The following DST variants were observed in gnomAD, a reference collection of about 807,000 sequenced individuals.
The protein encoded by DST is bullous pemphigoid antigen.
DST carries 253 observed loss-of-function variants against 875.2 expected under a neutral mutation model. The ratio of observed to expected loss-of-function variants is 0.29; its 90% CI spans 0.26 to 0.32. The LOEUF (loss-of-function observed/expected upper bound fraction) is 0.32. Among genes scored for constraint, DST ranks in the 10% least tolerant of loss-of-function variants. DST has a pLI of 1.00. For synonymous variants in DST, 3,124 were observed against 3,197.1 expected (o/e 0.98, Z 0.77); for missense variants, 8,287 against 9,111.6 (o/e 0.91, Z 3.68).
At chr6:56,631,720 T>G (rs1371149457) in intron 29 of DST, among the ~76,000 whole-genome samples, 163 bp downstream of exon 29, 1 of 152,206 alleles carries the variant, frequency 6.6e-6, no homozygotes, top group East Asian at 1.9e-4. Flanking sequence ...AGAGGTAGAC[T>G]GAATCCTAGT....
chr6:56,670,598 G>A (rs770402360), intron 10 of DST, 43 bp downstream of exon 10: 22 of 1,219,532 alleles, frequency 1.8e-5, no homozygotes, highest in Middle Eastern at 2.0e-4. Context: ...TGAAAGAAAT[G>A]TGTCTTACAG....
chr6:56,693,244 G>C, intron 9 of DST: 1 of 1,202,250 alleles, frequency 8.3e-7, no homozygotes, highest in African/African-American at 1.6e-5. Context: ...ATTCCACTCT[G>C]ACATCTGTTC....
rs138548125 is a variant in DST at position 56,635,678 on chromosome 6, T to G, written c.3097A>C (p.Arg1033=). 83 of 1,613,868 alleles carry G rather than the reference T, an allele frequency of 5.1e-5. No individual in the cohort carries two copies. The South Asian group carries it at 7.1e-4, about 14-fold the overall frequency. ...NDAKEATDYL[R]NLKDAIQRKY... ...CGCTGAATGGCATCTTTTAGATTCC[T>G]TAAGTAATCAGTAGCTTCTTTGGCA... The change falls in exon 24 of 104, where the codon AGG becomes CGG. Residue 1033 remains arginine, a synonymous_variant. Transcript: ENST00000680361.
At chr6:56,555,905 G>A in intron 59 of DST, 65 bp from the exon 60 acceptor site, 1 of 1,371,850 alleles carries the variant, frequency 7.3e-7, no homozygotes, top group South Asian at 2.0e-5. Flanking sequence ...CACAGATTTG[G>A]TGTCCAAACA....
chr6:56,548,922 G>C (rs2097273676), intron 61 of DST, among the ~76,000 whole-genome samples: 1 of 152,184 alleles, frequency 6.6e-6, no homozygotes, highest in South Asian at 2.1e-4. Context: ...TCTCAGGATA[G>C]TTTTCACTGA....
At chr6:56,692,876 C>G (rs755289889) in intron 9 of DST, 8 of 1,289,664 alleles carry the variant, frequency 6.2e-6, no homozygotes, top group Non-Finnish European at 1.0e-6. Flanking sequence ...ATACCATCTC[C>G]CAGTGCAGAG....
chr6:56,792,180 T>C (rs940026353), intron 4 of DST, among the ~76,000 whole-genome samples: 4 of 151,916 alleles, frequency 2.6e-5, no homozygotes, highest in Non-Finnish European at 4.4e-5. Context: ...GTTTTTTTTT[T>C]CTAAAGAGAC....
At chr6:56,877,229 T>C (rs927143398) in intron 3 of DST, among the ~76,000 whole-genome samples, 1 of 152,232 alleles carries the variant, frequency 6.6e-6, no homozygotes, top group African/African-American at 2.4e-5. Context: ...TTTTTCTTCA[T>C]ACCATTTACC....
intron 36 of DST, among the ~76,000 whole-genome samples, chr6:56,621,218 G>T (rs968364997): frequency 2.6e-5 from 4 of 152,106 alleles, no homozygotes; most frequent in African/African-American, 9.7e-5. Context: ...AATTAAAAAT[G>T]ATACTTATAT....
chr6:56,852,212 G>T (rs1334283736), intron 3 of DST, among the ~76,000 whole-genome samples: 2 of 152,238 alleles, frequency 1.3e-5, no homozygotes, highest in Admixed American at 1.3e-4. Context: ...AGGAAGGGCT[G>T]ATTCTGAGAA....
intron 4 of DST, among the ~76,000 whole-genome samples, chr6:56,800,765 T>A (rs1243122455): frequency 6.6e-6 from 1 of 152,160 alleles, no homozygotes; most frequent in Non-Finnish European, 1.5e-5. Flanking sequence ...ACGCCTGTAA[T>A]CCCAGCACTT....
intron 4 of DST, among the ~76,000 whole-genome samples, chr6:56,819,156 T>C (rs1489559921): frequency 6.6e-6 from 1 of 152,186 alleles, no homozygotes; most frequent in Non-Finnish European, 1.5e-5. Flanking sequence ...ACCAGAAATA[T>C]TGTTCTGATA....
chr6:56,482,871 G>A lies in DST; in HGVS notation c.21214C>T (p.Gln7072Ter). 2 of 1,540,520 alleles carry A rather than the reference G, an allele frequency of 1.3e-6. No homozygotes were observed. Among genetic ancestry groups the A allele is most frequent in the South Asian group, 1.3e-5 (1 of 78,158 alleles). Residue 7072 changes from glutamine (Q) to a stop codon, truncating the protein, a stop_gained, in exon 89 of 104, where the codon CAA (glutamine) becomes TAA (stop). Coordinates refer to ENST00000680361, the MANE Select transcript of DST (RefSeq NM_001374736.1). LOFTEE classifies it high-confidence loss of function. ...MNLIDNHKAFQKELGKRTSSV... is the reference protein window; with the variant it reads ...MNLIDNHKAF ...CTGGTCCTCTTCCCCAACTCTTTTT[G>A]GAAGGCCTAAGAAGACCATATTTTG... is the stretch of plus-strand genomic sequence containing the variant.
rs183810035 is a variant in DST at position 56,861,360 on chromosome 6, G to C, written c.418-9756C>G. Among the ~76,000 whole-genome samples the C allele has an allele frequency of 5.3e-3, 809 of 152,282 alleles. 6 individuals are homozygous for C. Among genetic ancestry groups the C allele is most frequent in the African/African-American group, 0.018 (764 of 41,546 alleles). ...TAAGCTGCACCCAATCGGAACCAGG[G>C]ATCAGTGCCTGATCCCTCTGAGCTG... On this transcript the variant is annotated intron_variant, in intron 3 of 103. Coordinates refer to ENST00000680361, the MANE Select transcript of DST (RefSeq NM_001374736.1).
intron 36 of DST, chr6:56,618,079 T>C (rs376636761): frequency 1.2e-6 from 2 of 1,614,040 alleles, no homozygotes; most frequent in African/African-American, 2.7e-5. Context: ...CTTGGTCTCT[T>C]ATCTTCTCAA....
intron 4 of DST, among the ~76,000 whole-genome samples, chr6:56,817,877 G>T (rs984800240): frequency 1.3e-5 from 2 of 152,140 alleles, no homozygotes; most frequent in Non-Finnish European, 2.9e-5. Flanking sequence ...TTGCAAATAC[G>T]ATTAAGTTAA....
rs527989052 is a variant in DST, at chr6:56,714,013, A to C, written c.688-9644T>G. Among the ~76,000 whole-genome samples, 3 of 152,288 alleles carry C rather than the reference A, an allele frequency of 2.0e-5. No individual in the cohort carries two copies. The East Asian group carries it at 5.8e-4, about 29-fold the overall frequency. On this transcript the variant is annotated intron_variant, in intron 5 of 103. Coordinates refer to ENST00000680361, the MANE Select transcript of DST (RefSeq NM_001374736.1). This position sits in a 1 kb window ranked among gnomAD's most constrained non-coding sequence, Gnocchi z 4.5. ...AGACAACTGACAAAAGGAGAGGAAC[A>C]CTAAAACTATTTTTAAAGACACCCC...
intron 85 of DST, among the ~76,000 whole-genome samples, chr6:56,489,920 C>T (rs866875874): frequency 1.3e-5 from 2 of 152,180 alleles, no homozygotes; most frequent in Admixed American, 6.5e-5. Flanking sequence ...TCTTCTTGTT[C>T]AATAATTAAC....
chr6:56,509,375 A>G (rs2152472871), intron 74 of DST, among the ~76,000 whole-genome samples: 1 of 152,316 alleles, frequency 6.6e-6, no homozygotes, highest in African/African-American at 2.4e-5. Context: ...TACTGATTTA[A>G]AAGGCCTGAA....
Sources: allele counts gnomAD v4.1 joint callset (sites outside exome capture counted in the v4.1 genomes callset), GRCh38; gene constraint gnomAD v4.1.1; non-coding constraint Gnocchi (gnomAD v3.1); transcripts MANE v1.5; gene names NCBI Gene and HGNC (gene_info 2026-07-23, HGNC 2026-07-21).